The following ICA1L variants were observed in gnomAD, a reference collection of about 807,000 sequenced individuals.
ICA1L encodes islet cell autoantigen 1 like.
Under a neutral mutation model 61.3 loss-of-function variants are expected in ICA1L, and 50 were observed. The observed-to-expected ratio is 0.82, with a 90% CI of 0.65 to 1.03. ICA1L has a LOEUF of 1.03. Among genes scored for constraint, ICA1L ranks in the 50% least tolerant of loss-of-function variants. ICA1L has a pLI of 0.00. For synonymous variants in ICA1L, 161 were observed against 191.3 expected (o/e 0.84, Z 1.31); for missense variants, 508 against 556.7 (o/e 0.91, Z 0.88).
At chr2:202,846,166 T>C (rs1010266312) in intron 1 of ICA1L, among the ~76,000 whole-genome samples, 5 of 152,206 alleles carry the variant, frequency 3.3e-5, no homozygotes, top group African/African-American at 1.2e-4. Flanking sequence ...TTAACATGTA[T>C]AACTATTATT....
At position 202,862,272 on chromosome 2, in the gene ICA1L, C is replaced by CAAAAA. The variant is rs778355110; in HGVS notation, c.-8+9342_-8+9346dup. Among the ~76,000 whole-genome samples, 24 of 62,950 alleles carry CAAAAA rather than the reference C, an allele frequency of 3.8e-4. 5 individuals are homozygous for CAAAAA. The highest frequency in any genetic ancestry group is 1.8e-3 in the African/African-American group (22 of 12,060). 41.3% of individuals were successfully genotyped at this position (62,950 alleles called of 152,430 possible). ...GCAACACAGTAAGACCTCATTTCTA[C>CAAAAA]AAAAAAAAAAAAAAAAAAAAAAAAA... is the stretch of plus-strand genomic sequence containing the variant. On this transcript the variant is annotated intron_variant, in intron 1 of 12. Transcript: ENST00000358299.
chr2:202,781,094 C>G (rs927918106), intron 12 of ICA1L, among the ~76,000 whole-genome samples: 2 of 152,050 alleles, frequency 1.3e-5, no homozygotes, highest in Non-Finnish European at 2.9e-5. Flanking sequence ...ATTCATTAGT[C>G]ACAATGGGAA....
rs1692213470 is a variant in ICA1L at position 202,776,142 on chromosome 2, T to G, written c.*3391A>C. 2 of 152,238 alleles carry G rather than the reference T, an allele frequency of 1.3e-5. No individual in the cohort carries two copies. The highest frequency in any genetic ancestry group is 1.9e-4 in the East Asian group (1 of 5,202). 9.4% of individuals were successfully genotyped at this position (152,238 alleles called of 1,614,324 possible). ...AAACACTTTTTCAGTGTGCAAATAC[T>G]GAAACCTGTTTGTTGAAATACAGTT... On this transcript the variant is annotated 3_prime_UTR_variant, in exon 13 of 13. Coordinates refer to ENST00000358299, the MANE Select transcript of ICA1L (RefSeq NM_001288622.3).
In ICA1L at chr2:202,841,262, T is replaced by C. The variant is rs1375857508; in HGVS notation, c.-7-12246A>G. 9 of 733,650 alleles carry C rather than the reference T, an allele frequency of 1.2e-5. No homozygotes were observed. In the African/African-American group the frequency reaches 1.5e-4, roughly 13 times the overall value. The allele number at this position is 733,650 out of a possible 1,614,324, so 45.4% of individuals were successfully genotyped here. A position where few individuals can be genotyped will look rare whatever the true frequency, so the allele number is the denominator to read the frequency against. On this transcript the variant is annotated intron_variant, in intron 1 of 12. Transcript: ENST00000358299. ...CATCCTCATATTTGTTCTTGAAGTC[T>C]TCCACCAGCCCTGGCATGTTGCCAA... is the stretch of plus-strand genomic sequence containing the variant.
At chr2:202,792,662 C>T (rs1161071496) in intron 10 of ICA1L, among the ~76,000 whole-genome samples, 2 of 151,888 alleles carry the variant, frequency 1.3e-5, no homozygotes, top group Non-Finnish European at 2.9e-5. Flanking sequence ...ACAAATTAGC[C>T]GGGCATGGTG....
At chr2:202,831,820 A>G (rs1694021057) in intron 1 of ICA1L, among the ~76,000 whole-genome samples, 1 of 152,216 alleles carries the variant, frequency 6.6e-6, no homozygotes, top group South Asian at 2.1e-4. Flanking sequence ...GGGCACTGCT[A>G]AATCTGCTTG....
At chr2:202,861,483 G>GA (rs199999949) in intron 1 of ICA1L, among the ~76,000 whole-genome samples, 11 of 111,756 alleles carry the variant, frequency 9.8e-5, no homozygotes, top group South Asian at 6.6e-4. Context: ...CCAAATACAA[G>GA]AAAAAAAAAT....
chr2:202,790,021 A>G (rs1692699868), intron 10 of ICA1L, among the ~76,000 whole-genome samples: 1 of 152,190 alleles, frequency 6.6e-6, no homozygotes, highest in African/African-American at 2.4e-5. Context: ...AACTGCAATG[A>G]TCAATCCACT....
intron 3 of ICA1L, among the ~76,000 whole-genome samples, chr2:202,824,765 A>T (rs779714271): frequency 3.9e-5 from 6 of 152,200 alleles, no homozygotes; most frequent in Non-Finnish European, 7.3e-5. Flanking sequence ...TTAAAAAAGG[A>T]GAAGAGATCC....
At chr2:202,847,104 A>G (rs1301727264) in intron 1 of ICA1L, among the ~76,000 whole-genome samples, 6 of 152,248 alleles carry the variant, frequency 3.9e-5, no homozygotes. Flanking sequence ...GATTGATGGT[A>G]CAGATTGTAG....
chr2:202,774,391 C>G lies in ICA1L; in HGVS notation c.*5142G>C. ...TCTGGCAGCCGGAGACCAGGCCTCA[C>G]TGCGCCTCCAACAGCCAGGGTCGAG... On this transcript the variant is annotated 3_prime_UTR_variant, in exon 13 of 13. Coordinates refer to ENST00000358299, the MANE Select transcript of ICA1L (RefSeq NM_001288622.3). 8.6e-7 allele frequency: 1 copy of G among 1,166,998 alleles called. No individual in the cohort carries two copies. 72.3% of individuals were successfully genotyped at this position (1,166,998 alleles called of 1,614,324 possible).
At chr2:202,803,272 G>C (rs1419299813) in intron 9 of ICA1L, among the ~76,000 whole-genome samples, 2 of 151,714 alleles carry the variant, frequency 1.3e-5, no homozygotes, top group Non-Finnish European at 2.9e-5. Flanking sequence ...GTGGTGGTGG[G>C]TGCCTGTAAT....
At chr2:202,798,093 C>A (rs1692984137) in intron 9 of ICA1L, among the ~76,000 whole-genome samples, 1 of 152,128 alleles carries the variant, frequency 6.6e-6, no homozygotes, top group Non-Finnish European at 1.5e-5. Flanking sequence ...CATTTAGTCA[C>A]AAATGACAGG....
intron 1 of ICA1L, among the ~76,000 whole-genome samples, chr2:202,864,627 A>ATGTGTGTGTGTGTGTGTGTGTGTGTGTG (rs566451955): frequency 1.3e-5 from 2 of 150,286 alleles, no homozygotes; most frequent in African/African-American, 4.9e-5. Context: ...GTATATATAT[A>ATGTGTGTGTGTGTGTGTGTGTGTGTGTG]TGTGTGTGTG....
intron 10 of ICA1L, 80 bp from the exon 11 acceptor site, chr2:202,789,167 TTTCA>T: frequency 9.1e-6 from 10 of 1,101,352 alleles, no homozygotes; most frequent in Non-Finnish European, 1.3e-5. Context: ...ATCAAATTTG[TTTCA>T]TTGTTTTCAT....
rs118172667 is a variant in ICA1L at position 202,789,389 on chromosome 2, C to T, written c.986-302G>A. Among the ~76,000 whole-genome samples the T allele has an allele frequency of 1.0e-3, 157 of 152,110 alleles. 5 individuals carry two copies. The East Asian group carries it at 0.029, about 28-fold the overall frequency. On this transcript the variant is annotated intron_variant, in intron 10 of 12. Coordinates refer to ENST00000358299, the MANE Select transcript of ICA1L (RefSeq NM_001288622.3). ...AAGACATAGAAACAAATTAATAATA[C>T]GAGACTTTAATATACCACTCTGACT...
Sources: gnomAD v4.1 joint callset for allele counts (sites outside exome capture counted in the v4.1 genomes callset) on GRCh38, gnomAD v4.1.1 for gene constraint, MANE v1.5 for transcripts, NCBI Gene and HGNC (gene_info 2026-07-23, HGNC 2026-07-21) for gene names.